PRKG1: variants seen among roughly 807,000 people sequenced by gnomAD.
PRKG1 encodes protein kinase cGMP-dependent 1.
PRKG1 carries 35 observed loss-of-function variants against 88.1 expected under a neutral mutation model. That is an observed-to-expected ratio of 0.40 (90% CI 0.30 to 0.53). The LOEUF is 0.53. Among genes scored for constraint, PRKG1 ranks in the 20% least tolerant of loss-of-function variants. The probability of loss-of-function intolerance (pLI) is 0.59; values close to 1 mark genes in which losing one functional copy is unlikely to be tolerated. For missense variants in PRKG1, 540 were observed against 839.8 expected, an observed-to-expected ratio of 0.64 and a Z score of 4.41; for synonymous variants, 303 against 292.5, an observed-to-expected ratio of 1.04 and a Z score of -0.37.
chr10:51,436,274 G>T (rs1838927895), intron 2 of PRKG1, among the ~76,000 whole-genome samples: 1 of 151,774 alleles, frequency 6.6e-6, no homozygotes, highest in Non-Finnish European at 1.5e-5. Flanking sequence ...CTGTGAAAGG[G>T]CAAGCGTAAG....
At chr10:51,598,456 T>C (rs12258911) in intron 3 of PRKG1, among the ~76,000 whole-genome samples, 11,893 of 152,178 alleles carry the variant, frequency 0.078, 1,538 homozygotes, top group African/African-American at 0.27. Context: ...GTATTTTTAG[T>C]AGAGATAGCA....
chr10:52,181,811 A>T, intron 9 of PRKG1, among the ~76,000 whole-genome samples: 2 of 33,026 alleles, frequency 6.1e-5, no homozygotes, highest in Non-Finnish European at 1.2e-4. Context: ...TATGTGCCAC[A>T]TTTTCTTAAT....
At chr10:51,449,746 A>G (rs1042719728) in intron 2 of PRKG1, among the ~76,000 whole-genome samples, 1 of 150,156 alleles carries the variant, frequency 6.7e-6, no homozygotes, top group Non-Finnish European at 1.5e-5. Context: ...TTTAACTTCT[A>G]TTTCATAATT....
chr10:51,727,897 A>T (rs1358236385), intron 3 of PRKG1, among the ~76,000 whole-genome samples: 1 of 152,224 alleles, frequency 6.6e-6, no homozygotes, highest in Non-Finnish European at 1.5e-5. Context: ...TCAAATGAAG[A>T]CCGTGTGCCC....
intron 1 of PRKG1, among the ~76,000 whole-genome samples, chr10:51,061,845 A>C (rs904836393): frequency 6.6e-6 from 1 of 152,244 alleles, no homozygotes; most frequent in African/African-American, 2.4e-5. Flanking sequence ...TAAAATTACC[A>C]ACATTTGTAT....
At chr10:51,451,109 A>G (rs1839425299) in intron 2 of PRKG1, among the ~76,000 whole-genome samples, 1 of 151,934 alleles carries the variant, frequency 6.6e-6, no homozygotes, top group Non-Finnish European at 1.5e-5. Flanking sequence ...TTGAGAATCA[A>G]TAACTAAAAT....
intron 3 of PRKG1, among the ~76,000 whole-genome samples, chr10:51,781,171 C>T (rs1302703061): frequency 1.3e-5 from 2 of 151,944 alleles, no homozygotes; most frequent in Admixed American, 6.6e-5. Context: ...TTTTATTTTT[C>T]CCCAGGGCCA....
rs80211785 is a variant in PRKG1 at position 51,098,471 on chromosome 10, A to C, written c.311+23570A>C. On this transcript the variant is annotated intron_variant, in intron 1 of 17. Transcript: ENST00000373980. ...ATGCAGGTGGAGCAAGGTGGACTGCAATGGAGCAAAGTGAATTGGTAGAGA... is the reference window on the plus strand; with the variant it reads ...ATGCAGGTGGAGCAAGGTGGACTGCCATGGAGCAAAGTGAATTGGTAGAGA... 2.0e-5 allele frequency among the ~76,000 whole-genome samples: 3 copies of C among 152,302 alleles called. No homozygotes were observed. In the East Asian group the frequency reaches 5.8e-4, roughly 29 times the overall value.
rs187255802 is a variant in PRKG1, at chr10:51,936,875, C to G, written c.762+29305C>G. ...TATGACATTCATATTAGAAACAACC[C>G]ATTTCTCCTGAATTCTTACAAACTT... On this transcript the variant is annotated intron_variant, in intron 5 of 17. Coordinates refer to ENST00000373980, the MANE Select transcript of PRKG1 (RefSeq NM_006258.4). Among the ~76,000 whole-genome samples the G allele has an allele frequency of 2.0e-4, 30 of 152,046 alleles. No homozygotes were observed. The East Asian group carries it at 5.6e-3, about 28-fold the overall frequency.
rs565524531 is a variant in PRKG1, at chr10:51,911,593, T to C, written c.762+4023T>C. The stretch of plus-strand genomic sequence containing the variant: ...GATTATTAAGTACTCATACATTTGT[T>C]TTCAGGATGTAAAAATGAAGTAAAC... On this transcript the variant is annotated intron_variant, in intron 5 of 17. Transcript: ENST00000373980. Among the ~76,000 whole-genome samples the C allele has an allele frequency of 2.6e-5, 4 of 152,300 alleles. No homozygotes were observed. The East Asian group carries it at 7.7e-4, about 29-fold the overall frequency.
chr10:51,585,933 A>G (rs1838160394), intron 3 of PRKG1, among the ~76,000 whole-genome samples: 2 of 152,082 alleles, frequency 1.3e-5, no homozygotes, highest in South Asian at 4.1e-4. Flanking sequence ...ACGGGTACAC[A>G]TGGCCGTAAA....
intron 4 of PRKG1, among the ~76,000 whole-genome samples, chr10:51,895,912 C>G (rs1214869587): frequency 6.6e-6 from 1 of 152,058 alleles, no homozygotes; most frequent in East Asian, 1.9e-4. Context: ...CCCAGCCTGA[C>G]AGAGGTTCCC....
chr10:51,829,756 G>C (rs1056304355), intron 4 of PRKG1, among the ~76,000 whole-genome samples: 2 of 152,206 alleles, frequency 1.3e-5, no homozygotes, highest in Admixed American at 1.3e-4. Context: ...TGGGTACTTG[G>C]ATGTTCATTT....
At chr10:52,114,057 G>A (rs1215380562) in intron 7 of PRKG1, among the ~76,000 whole-genome samples, 1 of 152,048 alleles carries the variant, frequency 6.6e-6, no homozygotes. Flanking sequence ...AGAAGGGAGT[G>A]GTAGAGGAGT....
intron 5 of PRKG1, among the ~76,000 whole-genome samples, chr10:51,937,805 T>G (rs1842827271): frequency 6.6e-6 from 1 of 152,036 alleles, no homozygotes; most frequent in South Asian, 2.1e-4. Flanking sequence ...TATCCACAGT[T>G]TCACTTTCTG....
chr10:51,218,528 T>A (rs1838434803), intron 2 of PRKG1, among the ~76,000 whole-genome samples: 1 of 82,208 alleles, frequency 1.2e-5, no homozygotes, highest in Non-Finnish European at 2.4e-5. Context: ...TATATATATA[T>A]ATAAAATGTG....
At chr10:51,915,651 C>T (rs566094881) in intron 5 of PRKG1, among the ~76,000 whole-genome samples, 5 of 152,112 alleles carry the variant, frequency 3.3e-5, no homozygotes, top group East Asian at 1.9e-4. Context: ...AATATCTCCA[C>T]GTCTTATTTA....
chr10:51,539,505 C>A (rs79616280), intron 3 of PRKG1, among the ~76,000 whole-genome samples: 1 of 152,180 alleles, frequency 6.6e-6, no homozygotes. Flanking sequence ...AACACTGATA[C>A]ATCTCTGGGA....
At chr10:51,829,326 A>G (rs184718854) in intron 4 of PRKG1, among the ~76,000 whole-genome samples, 1 of 152,198 alleles carries the variant, frequency 6.6e-6, no homozygotes, top group Non-Finnish European at 1.5e-5. Flanking sequence ...TGATAAGTCA[A>G]GCTCACACTC....
Sources: allele counts gnomAD v4.1 joint callset (sites outside exome capture counted in the v4.1 genomes callset), GRCh38; gene constraint gnomAD v4.1.1; transcripts MANE v1.5; gene names NCBI Gene and HGNC (gene_info 2026-07-23, HGNC 2026-07-21).